Variants in SKAP1 observed in about 807,000 individuals in gnomAD.
SKAP1 encodes the protein src kinase associated phosphoprotein 1, also known as src kinase-associated phosphoprotein 1.
Under a neutral mutation model 58.5 loss-of-function variants are expected in SKAP1, and 44 were observed. That is an observed-to-expected ratio of 0.75 (90% CI 0.59 to 0.97). The LOEUF (loss-of-function observed/expected upper bound fraction) is 0.97. SKAP1 is among the 50% of genes least tolerant of loss of function. SKAP1 has a pLI of 0.00. For synonymous variants in SKAP1, 127 were observed against 149.7 expected, an observed-to-expected ratio of 0.85 and a Z score of 1.11; for missense variants, 390 against 435.2, an observed-to-expected ratio of 0.90 and a Z score of 0.92.
At chr17:48,396,507 A>G (rs966905638) in intron 2 of SKAP1, among the ~76,000 whole-genome samples, 173 bp downstream of exon 2, 9 of 152,214 alleles carry the variant, frequency 5.9e-5, no homozygotes, top group African/African-American at 2.2e-4. Context: ...TTATTTTGGT[A>G]AACTACACTA....
chr17:48,258,234 C>T (rs1489652527), intron 4 of SKAP1, among the ~76,000 whole-genome samples: 1 of 152,026 alleles, frequency 6.6e-6, no homozygotes, highest in Non-Finnish European at 1.5e-5. Flanking sequence ...ATTAAGTCTC[C>T]CACAAAGTCC....
Position 48,163,815 on chromosome 17 carries a change from C to T in SKAP1, c.878-1246G>A, listed in dbSNP as rs553931414. Among the ~76,000 whole-genome samples, 6 of 152,112 alleles carry T rather than the reference C, an allele frequency of 3.9e-5. No homozygotes were observed. In the East Asian group the frequency reaches 5.8e-4, roughly 15 times the overall value. ...ACGAGCAATTTAAATAATAAAGGCA[C>T]GGAGGGACAAAATCCCTATATGTCT... is the stretch of plus-strand genomic sequence containing the variant. On this transcript the variant is annotated intron_variant, in intron 10 of 12. Transcript: ENST00000336915.
chr17:48,136,787 C>T (rs2063705490), intron 12 of SKAP1, among the ~76,000 whole-genome samples: 1 of 151,244 alleles, frequency 6.6e-6, no homozygotes, highest in Non-Finnish European at 1.5e-5. Flanking sequence ...CGATTCTCCC[C>T]AGTAGCTGGG....
intron 4 of SKAP1, chr17:48,308,133 A>T (rs2066174304): frequency 6.6e-6 from 1 of 152,250 alleles, no homozygotes; most frequent in African/African-American, 2.4e-5. Context: ...TAAATGGCTT[A>T]TGACCAAGAC....
intron 1 of SKAP1, among the ~76,000 whole-genome samples, chr17:48,410,322 T>A (rs1234315388): frequency 6.6e-6 from 1 of 152,158 alleles, no homozygotes; most frequent in Admixed American, 6.5e-5. Flanking sequence ...ACAGATACAG[T>A]TGGTTATATA....
At chr17:48,368,595 G>A (rs1350088903) in intron 2 of SKAP1, among the ~76,000 whole-genome samples, 1 of 152,172 alleles carries the variant, frequency 6.6e-6, no homozygotes, top group African/African-American at 2.4e-5. Context: ...ATAGGAAAGG[G>A]AAGCTATCAC....
At chr17:48,210,736 G>T (rs910528779) in intron 4 of SKAP1, among the ~76,000 whole-genome samples, 3 of 152,184 alleles carry the variant, frequency 2.0e-5, no homozygotes, top group Non-Finnish European at 4.4e-5. Flanking sequence ...AAATACTAAA[G>T]AAATTATTAT....
intron 4 of SKAP1, among the ~76,000 whole-genome samples, chr17:48,266,865 T>C (rs2065558053): frequency 6.6e-6 from 1 of 152,192 alleles, no homozygotes; most frequent in South Asian, 2.1e-4. Flanking sequence ...AAAATGATAT[T>C]TCTATTTTAC....
chr17:48,229,138 G>T (rs1484851016), intron 4 of SKAP1, among the ~76,000 whole-genome samples: 2 of 152,018 alleles, frequency 1.3e-5, no homozygotes, highest in Non-Finnish European at 2.9e-5. Context: ...CACATTGTAG[G>T]CACCCAAAAG....
intron 4 of SKAP1, chr17:48,294,196 A>T (rs2065934266): frequency 1.3e-5 from 2 of 152,156 alleles, no homozygotes; most frequent in African/African-American, 2.4e-5. Context: ...TATAGAAAAA[A>T]ATCAAATTCT....
chr17:48,204,514 A>T (rs1299134915), intron 4 of SKAP1: 1 of 152,172 alleles, frequency 6.6e-6, no homozygotes. Flanking sequence ...TAAAGTCAAG[A>T]TGAATAATGC....
intron 4 of SKAP1, among the ~76,000 whole-genome samples, chr17:48,316,443 G>C (rs2066288222): frequency 6.6e-6 from 1 of 152,138 alleles, no homozygotes; most frequent in Non-Finnish European, 1.5e-5. Flanking sequence ...TTTCTGCTCA[G>C]AGGCCTCCTC....
intron 4 of SKAP1, among the ~76,000 whole-genome samples, chr17:48,246,413 C>A (rs2065297792): frequency 6.6e-6 from 1 of 152,168 alleles, no homozygotes; most frequent in Non-Finnish European, 1.5e-5. Context: ...CCCTGGAGTT[C>A]ACTATTCTCA....
At chr17:48,363,150 T>C (rs974192673) in intron 3 of SKAP1, among the ~76,000 whole-genome samples, 11 of 152,208 alleles carry the variant, frequency 7.2e-5, no homozygotes, top group Admixed American at 1.3e-4. Context: ...CTGGCCTTTT[T>C]CTTTTTTTAA....
At chr17:48,320,379 T>C (rs1053029161) in intron 4 of SKAP1, among the ~76,000 whole-genome samples, 1 of 152,214 alleles carries the variant, frequency 6.6e-6, no homozygotes, top group Non-Finnish European at 1.5e-5. Context: ...AAGTAAATTT[T>C]TTCTTTACTC....
chr17:48,155,036 G>T (rs1039919429), intron 11 of SKAP1, among the ~76,000 whole-genome samples: 1 of 149,962 alleles, frequency 6.7e-6, no homozygotes, highest in Non-Finnish European at 1.5e-5. Context: ...CTCCAGTCTC[G>T]CAGTCTGGGT....
rs1464596391 is a variant in SKAP1, at chr17:48,346,017, A to G, written c.179-11T>C. ...GTCCAATGTCTCCCCCTGAGGGACAAAAAAGACAGAAAATAAGGTTAATCT... is the reference window on the plus strand; with the variant it reads ...GTCCAATGTCTCCCCCTGAGGGACAGAAAAGACAGAAAATAAGGTTAATCT... On this transcript the variant is annotated splice_polypyrimidine_tract_variant and intron_variant, in intron 3 of 12. Coordinates refer to ENST00000336915, the MANE Select transcript of SKAP1 (RefSeq NM_003726.4). The G allele has an allele frequency of 6.6e-7, 1 of 1,522,070 alleles. No individual in the cohort carries two copies. The highest frequency in any genetic ancestry group is 9.0e-7 in the Non-Finnish European group (1 of 1,110,688). 94.3% of individuals were successfully genotyped at this position (1,522,070 alleles called of 1,614,324 possible).
At chr17:48,322,345 G>T (rs2066377960) in intron 4 of SKAP1, among the ~76,000 whole-genome samples, 1 of 152,184 alleles carries the variant, frequency 6.6e-6, no homozygotes, top group Non-Finnish European at 1.5e-5. Context: ...CTGCATATTT[G>T]TGTATGCATA....
In SKAP1 at chr17:48,299,832, C is replaced by T. The variant is rs551056721; in HGVS notation, c.280+46073G>A. ...AGAGAAGAGGGAGTTTGAGCATGGCCTGGAAGGATGAGTGGGTGGATGGGA... is the reference window on the plus strand; with the variant it reads ...AGAGAAGAGGGAGTTTGAGCATGGCTTGGAAGGATGAGTGGGTGGATGGGA... On this transcript the variant is annotated intron_variant, in intron 4 of 12. Coordinates refer to ENST00000336915, the MANE Select transcript of SKAP1 (RefSeq NM_003726.4). Among the ~76,000 whole-genome samples the T allele has an allele frequency of 2.8e-4, 43 of 152,128 alleles. No homozygotes were observed. In the South Asian group the frequency reaches 8.7e-3, roughly 31 times the overall value.
Sources: allele counts gnomAD v4.1 joint callset (sites outside exome capture counted in the v4.1 genomes callset), GRCh38; gene constraint gnomAD v4.1.1; transcripts MANE v1.5; gene names NCBI Gene and HGNC (gene_info 2026-07-23, HGNC 2026-07-21).